NPR3: variants seen among roughly 807,000 people sequenced by gnomAD.
NPR3 encodes the protein atrial natriuretic peptide receptor 3.
NPR3 carries 34 observed loss-of-function variants against 54.5 expected under a neutral mutation model. That is an observed-to-expected ratio of 0.62 (90% CI 0.47 to 0.83). The LOEUF is 0.83. NPR3 is among the 40% of genes least tolerant of loss of function. The pLI, the probability that NPR3 is intolerant of heterozygous loss-of-function variation, is 0.00. For synonymous variants in NPR3, 289 were observed against 297.1 expected (o/e 0.97, Z 0.28); for missense variants, 674 against 720.8 (o/e 0.94, Z 0.74).
At chr5:32,707,585 G>T (rs181189451), upstream of NPR3, among the ~76,000 whole-genome samples, 12 of 152,218 alleles carry the variant, frequency 7.9e-5, no homozygotes, top group South Asian at 4.1e-4. Context: ...CTGCCTCTAG[G>T]GGGGAGTGTG....
chr5:32,719,774 C>T (rs1200487585), intron 1 of NPR3, among the ~76,000 whole-genome samples: 3 of 145,610 alleles, frequency 2.1e-5, no homozygotes, highest in Middle Eastern at 3.6e-3. Flanking sequence ...CTATTTACCA[C>T]CTATGTTGTT....
chr5:32,751,823 G>A (rs185898880), intron 3 of NPR3, among the ~76,000 whole-genome samples: 1 of 152,256 alleles, frequency 6.6e-6, no homozygotes, highest in East Asian at 1.9e-4. Context: ...TAGCCCAGAC[G>A]TCACATGTTG....
chr5:32,769,837 A>G (rs908544564), intron 3 of NPR3, among the ~76,000 whole-genome samples: 1 of 152,194 alleles, frequency 6.6e-6, no homozygotes, highest in African/African-American at 2.4e-5. Context: ...TTCTATGCTG[A>G]CTTGTTTGGA....
intron 2 of NPR3, 123 bp from the exon 3 acceptor site, chr5:32,738,741 T>C (rs1739883074): frequency 2.6e-6 from 2 of 774,386 alleles, no homozygotes; most frequent in South Asian, 3.6e-5. Flanking sequence ...TGCAAAACTA[T>C]GACAATACTT....
chr5:32,780,020 T>G (rs1742257080), intron 4 of NPR3, among the ~76,000 whole-genome samples: 2 of 152,190 alleles, frequency 1.3e-5, no homozygotes, highest in African/African-American at 2.4e-5. Context: ...GGGATTTTAA[T>G]GCAAGTGGTT....
chr5:32,724,605 C>A, intron 1 of NPR3, 93 bp from the exon 2 acceptor site: 1 of 1,445,968 alleles, frequency 6.9e-7, no homozygotes, highest in Non-Finnish European at 9.6e-7. Context: ...ATATAAGTAT[C>A]CCGTTCCTTG....
intron 3 of NPR3, among the ~76,000 whole-genome samples, chr5:32,768,876 A>C (rs1741609393): frequency 6.6e-6 from 1 of 152,200 alleles, no homozygotes; most frequent in African/African-American, 2.4e-5. Context: ...AGTATGCCAG[A>C]GGGTTCAGAG....
At chr5:32,701,736 G>A (rs1054170900) in intron 1 of NPR3, among the ~76,000 whole-genome samples, 6 of 152,190 alleles carry the variant, frequency 3.9e-5, no homozygotes, top group African/African-American at 1.4e-4. Context: ...GCATTAGGCG[G>A]CATCCCAAGC....
intron 1 of NPR3, among the ~76,000 whole-genome samples, chr5:32,715,473 A>G (rs1027069059): frequency 6.6e-6 from 1 of 152,234 alleles, no homozygotes. Flanking sequence ...TGTAGAAAGA[A>G]AAACAGGGGC....
chr5:32,733,833 C>T (rs1271302217), intron 2 of NPR3, among the ~76,000 whole-genome samples: 4 of 152,126 alleles, frequency 2.6e-5, no homozygotes, highest in Non-Finnish European at 5.9e-5. Flanking sequence ...TTGTCAATCA[C>T]CGCATATGCA....
At chr5:32,738,581 T>G (rs1739875181) in intron 2 of NPR3, among the ~76,000 whole-genome samples, 1 of 151,956 alleles carries the variant, frequency 6.6e-6, no homozygotes, top group African/African-American at 2.4e-5. Context: ...ATTTTGGGGG[T>G]GGGGCAGGGC....
At chr5:32,701,691 T>G (rs991892092) in intron 1 of NPR3, among the ~76,000 whole-genome samples, 1 of 152,172 alleles carries the variant, frequency 6.6e-6, no homozygotes, top group Non-Finnish European at 1.5e-5. Context: ...ACTTGGGTAT[T>G]GTAATCTAAG....
rs552720967 is a variant in NPR3, at chr5:32,739,187, T to G, written c.1059+157T>G. ...CTTCTGTGTGTGTGTGTGTGTGTTT[T>G]TTTTTTTTCCTTTCTGGGTGGTTTT... is the stretch of plus-strand genomic sequence containing the variant. On this transcript the variant is annotated intron_variant, in intron 3 of 7. Coordinates refer to ENST00000265074, the MANE Select transcript of NPR3 (RefSeq NM_001204375.2). Among the ~76,000 whole-genome samples, 19 of 150,582 alleles carry G rather than the reference T, an allele frequency of 1.3e-4. No individual in the cohort carries two copies. In the South Asian group the frequency reaches 1.7e-3, roughly 13 times the overall value.
intron 3 of NPR3, among the ~76,000 whole-genome samples, chr5:32,754,977 C>T (rs1449290612): frequency 2.0e-5 from 3 of 152,242 alleles, no homozygotes; most frequent in East Asian, 3.9e-4. Context: ...TCTCCTGCCT[C>T]AGCCTCCTGA....
rs747979091 is a variant in NPR3, at chr5:32,712,361, C to T, written c.585C>T (p.His195=). The T allele has an allele frequency of 2.5e-6, 4 of 1,612,832 alleles. No individual in the cohort carries two copies. Among genetic ancestry groups the T allele is most frequent in the Non-Finnish European group, 2.5e-6 (3 of 1,179,192 alleles). Residue 195 remains histidine (H), a synonymous_variant, in exon 1 of 8, where the codon CAC becomes CAT. Coordinates refer to ENST00000265074, the MANE Select transcript of NPR3 (RefSeq NM_001204375.2). ...GEMMLALFRH[H]HWSRAALVYS... ...TGATGCTCGCCCTGTTCCGCCACCA[C>T]CACTGGAGCCGCGCTGCACTGGTCT...
chr5:32,702,202 C>T (rs745862462), intron 1 of NPR3, among the ~76,000 whole-genome samples: 1 of 152,128 alleles, frequency 6.6e-6, no homozygotes. Flanking sequence ...ATCTACCTGG[C>T]GCACTAGTCT....
chr5:32,777,083 G>A (rs1742091525), intron 4 of NPR3, among the ~76,000 whole-genome samples: 1 of 152,226 alleles, frequency 6.6e-6, no homozygotes, highest in South Asian at 2.1e-4. Context: ...TTGACAGGCA[G>A]TGTGATAGGT....
intron 3 of NPR3, among the ~76,000 whole-genome samples, chr5:32,743,978 T>A (rs1740164020): frequency 1.4e-5 from 2 of 147,558 alleles, no homozygotes; most frequent in South Asian, 4.4e-4. Context: ...ATCTATTCCA[T>A]TCTGATGCAT....
intron 5 of NPR3, among the ~76,000 whole-genome samples, chr5:32,782,533 T>C (rs1248013902): frequency 6.6e-6 from 1 of 152,186 alleles, no homozygotes; most frequent in Non-Finnish European, 1.5e-5. Context: ...CTGACAGGGC[T>C]GGGCCTTCAG....
Sources: gnomAD v4.1 joint callset for allele counts (sites outside exome capture counted in the v4.1 genomes callset) on GRCh38, gnomAD v4.1.1 for gene constraint, MANE v1.5 for transcripts, NCBI Gene and HGNC (gene_info 2026-07-23, HGNC 2026-07-21) for gene names.